The following KALRN variants were observed in gnomAD, a reference collection of about 807,000 sequenced individuals.
The protein encoded by KALRN is kalirin RhoGEF kinase.
Under a neutral mutation model 353.7 loss-of-function variants are expected in KALRN, and 70 were observed. That is an observed-to-expected ratio of 0.20 (90% confidence interval 0.16 to 0.24). The LOEUF (loss-of-function observed/expected upper bound fraction) is 0.24, where lower values mean the gene tolerates loss of function less well. KALRN is among the 10% of genes least tolerant of loss of function. The pLI is 1.00. For synonymous variants in KALRN, 1,391 were observed against 1,434.8 expected (o/e 0.97, Z 0.69); for missense variants, 2,791 against 3,756.7 (o/e 0.74, Z 6.72).
rs576347137 is a variant in KALRN, at chr3:124,080,082, G to T, written c.73+46269G>T. ...GAATTGGATCCAACCCATTGTTCCA[G>T]ACAAGATCAGGTTAGTGAACTCTAG... On this transcript the variant is annotated intron_variant, in intron 1 of 59. Transcript: ENST00000682506. The T allele has an allele frequency of 6.2e-5, 29 of 471,138 alleles. No homozygotes were observed. In the East Asian group the frequency reaches 2.0e-3, roughly 33 times the overall value. The allele number at this position is 471,138 out of a possible 1,614,324, so 29.2% of individuals were successfully genotyped here.
At chr3:124,468,343 A>G (rs2060544267) in intron 25 of KALRN, among the ~76,000 whole-genome samples, 1 of 151,936 alleles carries the variant, frequency 6.6e-6, no homozygotes, top group Admixed American at 6.5e-5. Context: ...TTGAAACACA[A>G]GGGGGGGGTT....
In KALRN at chr3:124,456,716, C is replaced by A; in HGVS notation, c.3842C>A (p.Ala1281Asp). 6.2e-7 allele frequency: 1 copy of A among 1,611,712 alleles called. No individual in the cohort carries two copies. Among genetic ancestry groups the A allele is most frequent in the Non-Finnish European group, 8.5e-7 (1 of 1,178,392 alleles). Residue 1281 changes from alanine (A) to aspartate (D), a missense_variant, in exon 23 of 60, where the codon GCC becomes GAC. Transcript: ENST00000682506. ...HEVNEEKRKSARKKEFIMAEL... is the reference protein window; with the variant it reads ...HEVNEEKRKSDRKKEFIMAEL... ...GTCAATGAAGAGAAGCGGAAGTCAG[C>A]CCGGAAGAAAGAGTACGTGTTGGCT...
Position 124,503,293 on chromosome 3 carries a change from C to T in KALRN, c.4935+6880C>T, listed in dbSNP as rs143969021. 3.2e-3 allele frequency among the ~76,000 whole-genome samples: 482 copies of T among 152,150 alleles called. 2 individuals carry two copies. Among genetic ancestry groups the T allele is most frequent in the Non-Finnish European group, 5.3e-3 (362 of 67,990 alleles). On this transcript the variant is annotated intron_variant, in intron 33 of 59. Coordinates refer to ENST00000682506, the MANE Select transcript of KALRN (RefSeq NM_001388419.1). ...AAACTTGGGCTTTATAATATAGCTG[C>T]GTAATCTCGAGTCTCAGTCACATCC...
chr3:124,709,277 TTTTA>T (rs1002630515), intron 57 of KALRN, among the ~76,000 whole-genome samples: 1 of 152,150 alleles, frequency 6.6e-6, no homozygotes, highest in Non-Finnish European at 1.5e-5. Flanking sequence ...AAAATTTTAT[TTTTA>T]TTTATTTATT....
Position 124,667,054 on chromosome 3 carries a change from T to G in KALRN, c.6574T>G (p.Cys2192Gly). ...VLEENVDNDP[C>G]KFALMNRETS... ...GGAGGAGAATGTGGACAATGATCCC[T>G]GCAAGTTTGCACTCATGAACAGAGA... Residue 2192 changes from cysteine (C) to glycine (G), a missense_variant, in exon 47 of 60, where the codon TGC becomes GGC. Cys to Gly is a radical substitution (Grantham distance 159). Transcript: ENST00000682506. The G allele has an allele frequency of 6.2e-7, 1 of 1,614,012 alleles. No individual in the cohort carries two copies. The highest frequency in any genetic ancestry group is 8.5e-7 in the Non-Finnish European group (1 of 1,179,848).
chr3:124,034,290 C>T (rs1306493524), intron 1 of KALRN, among the ~76,000 whole-genome samples: 2 of 152,166 alleles, frequency 1.3e-5, no homozygotes, highest in African/African-American at 2.4e-5. Context: ...GGCGGGGACC[C>T]GGAGCCGCGC....
chr3:124,373,456 T>C (rs1280010636), intron 10 of KALRN, among the ~76,000 whole-genome samples: 4 of 152,220 alleles, frequency 2.6e-5, no homozygotes, highest in Admixed American at 6.5e-5. Context: ...TGTAACAAAG[T>C]ACCACAATCC....
At chr3:124,645,273 A>G (rs2082562037) in intron 37 of KALRN, among the ~76,000 whole-genome samples, 1 of 152,162 alleles carries the variant, frequency 6.6e-6, no homozygotes, top group Non-Finnish European at 1.5e-5. Flanking sequence ...CCCATTCTAT[A>G]GCTTGCCTGT....
Position 124,106,159 on chromosome 3 carries a change from A to G in KALRN, c.73+72346A>G, listed in dbSNP as rs551777945. Among the ~76,000 whole-genome samples the G allele has an allele frequency of 5.4e-4, 83 of 152,320 alleles. 3 individuals carry two copies. The South Asian group carries it at 0.017, about 31-fold the overall frequency. On this transcript the variant is annotated intron_variant, in intron 1 of 59. Coordinates refer to ENST00000682506, the MANE Select transcript of KALRN (RefSeq NM_001388419.1). ...GGAATGGATTGAACAAAGAGTGCAGATGGAAGTGGTAGACTGGAGGAGGGG... is the reference window on the plus strand; with the variant it reads ...GGAATGGATTGAACAAAGAGTGCAGGTGGAAGTGGTAGACTGGAGGAGGGG...
chr3:124,395,006 T>C, intron 11 of KALRN, 129 bp from the exon 12 acceptor site: 1 of 648,318 alleles, frequency 1.5e-6, no homozygotes, highest in Non-Finnish European at 2.7e-6. Flanking sequence ...TGACCCATAG[T>C]TGTGCTGATG....
At chr3:124,184,219 C>T (rs1320855128) in intron 1 of KALRN, among the ~76,000 whole-genome samples, 3 of 152,154 alleles carry the variant, frequency 2.0e-5, no homozygotes, top group Non-Finnish European at 2.9e-5. Context: ...GCTCTGTGAC[C>T]TTGAGCAAGT....
intron 6 of KALRN, among the ~76,000 whole-genome samples, chr3:124,301,582 TG>T (rs1374743746): frequency 6.6e-6 from 1 of 152,180 alleles, no homozygotes; most frequent in African/African-American, 2.4e-5. Flanking sequence ...CTTTGTTAAA[TG>T]GGAGGTTTAA....
At chr3:124,121,727 G>A (rs1334502293) in intron 1 of KALRN, among the ~76,000 whole-genome samples, 1 of 152,164 alleles carries the variant, frequency 6.6e-6, no homozygotes, top group Non-Finnish European at 1.5e-5. Context: ...AAGAGGCTGT[G>A]GATTGGAATT....
chr3:124,206,807 C>G (rs967277675), intron 1 of KALRN, among the ~76,000 whole-genome samples: 1 of 152,170 alleles, frequency 6.6e-6, no homozygotes, highest in Non-Finnish European at 1.5e-5. Context: ...ACATCATTAA[C>G]AGTCAATGGG....
intron 33 of KALRN, chr3:124,519,007 G>A (rs1016333033): frequency 1.4e-5 from 14 of 986,864 alleles, no homozygotes; most frequent in Admixed American, 6.0e-5. Context: ...AGAAGATGAG[G>A]GTTAACTTTA....
intron 33 of KALRN, chr3:124,504,827 G>A (rs1036252978): frequency 2.1e-6 from 1 of 471,698 alleles, no homozygotes; most frequent in East Asian, 6.9e-5. Flanking sequence ...CCCCACCACA[G>A]CCCAACTCAA....
chr3:124,065,070 G>A (rs1475343828), intron 1 of KALRN, among the ~76,000 whole-genome samples: 1 of 152,140 alleles, frequency 6.6e-6, no homozygotes, highest in Non-Finnish European at 1.5e-5. Flanking sequence ...ACATTGGGAA[G>A]GTGGGTCTTT....
intron 45 of KALRN, among the ~76,000 whole-genome samples, 185 bp downstream of exon 45, chr3:124,662,113 G>A (rs896000188): frequency 4.0e-5 from 6 of 151,206 alleles, no homozygotes; most frequent in African/African-American, 1.2e-4. Flanking sequence ...AAGTCCAGCA[G>A]TAGGGAGGTC....
At chr3:124,052,751 T>C (rs1192599862) in intron 1 of KALRN, among the ~76,000 whole-genome samples, 1 of 151,956 alleles carries the variant, frequency 6.6e-6, no homozygotes, top group African/African-American at 2.4e-5. Context: ...AGTTATATGA[T>C]AAGACTATAG....
Sources: allele counts gnomAD v4.1 joint callset (sites outside exome capture counted in the v4.1 genomes callset), GRCh38; gene constraint gnomAD v4.1.1; transcripts MANE v1.5; gene names NCBI Gene and HGNC (gene_info 2026-07-23, HGNC 2026-07-21).